The following TLK2 variants were observed in gnomAD, a reference collection of about 807,000 sequenced individuals.
TLK2 encodes serine/threonine-protein kinase tousled-like 2.
A neutral mutation model predicts 117.3 loss-of-function variants in TLK2; 6 were observed. The observed-to-expected ratio is 0.05, with a 90% CI of 0.03 to 0.10. The LOEUF is 0.10. TLK2 is among the 10% of genes least tolerant of loss of function. TLK2 has a pLI of 1.00. For missense variants in TLK2, 299 were observed against 901.2 expected (o/e 0.33, Z 8.56); for synonymous variants, 257 against 316.7 (o/e 0.81, Z 2.00).
intron 7 of TLK2, among the ~76,000 whole-genome samples, chr17:62,548,289 AT>A (rs897530767): frequency 1.4e-4 from 11 of 77,412 alleles, no homozygotes; most frequent in East Asian, 4.8e-4. Flanking sequence ...TTTTATTTTT[AT>A]TTTTTTTTTG....
rs545390944 is a variant in TLK2, at chr17:62,542,303, T to C, written c.531+5966T>C. Among the ~76,000 whole-genome samples the C allele has an allele frequency of 4.6e-4, 70 of 152,300 alleles. 1 individual carries two copies. The South Asian group carries it at 0.012, about 25-fold the overall frequency. ...TTATTTAATCTTATTTATTTATTGG[T>C]GGAGACAGGGTCCCACTGTGTTGCC... On this transcript the variant is annotated intron_variant, in intron 7 of 21. Coordinates refer to ENST00000346027, the MANE Select transcript of TLK2 (RefSeq NM_006852.6).
At chr17:62,494,757 A>C (rs1455828206) in intron 2 of TLK2, among the ~76,000 whole-genome samples, 1 of 152,214 alleles carries the variant, frequency 6.6e-6, no homozygotes, top group Admixed American at 6.5e-5. Flanking sequence ...AGGGACTCAG[A>C]TGCCTATGGC....
At chr17:62,564,481 A>G (rs929671087) in intron 10 of TLK2, among the ~76,000 whole-genome samples, 1 of 148,254 alleles carries the variant, frequency 6.7e-6, no homozygotes, top group Non-Finnish European at 1.5e-5. Flanking sequence ...GGTTGCAGTG[A>G]GCCGAGATCC....
intron 2 of TLK2, among the ~76,000 whole-genome samples, chr17:62,508,877 A>G (rs1368493494): frequency 6.6e-6 from 1 of 152,160 alleles, no homozygotes; most frequent in Non-Finnish European, 1.5e-5. Flanking sequence ...CTGAGGCACA[A>G]GAATCGCTTG....
chr17:62,531,315 C>T (rs1318855231), intron 6 of TLK2, among the ~76,000 whole-genome samples: 4 of 151,822 alleles, frequency 2.6e-5, no homozygotes, highest in African/African-American at 9.7e-5. Context: ...ATAATTTCTT[C>T]TTGCCTTTCA....
At chr17:62,599,016 G>A (rs2082683667) in intron 17 of TLK2, among the ~76,000 whole-genome samples, 1 of 151,782 alleles carries the variant, frequency 6.6e-6, no homozygotes, top group Non-Finnish European at 1.5e-5. Context: ...CATGATCTTG[G>A]CTCACTGCAA....
intron 6 of TLK2, among the ~76,000 whole-genome samples, chr17:62,535,437 G>T (rs1350825043): frequency 6.6e-6 from 1 of 152,100 alleles, no homozygotes; most frequent in Non-Finnish European, 1.5e-5. Context: ...AGTACAGCAA[G>T]AACAGAATTG....
chr17:62,596,592 T>C lies in TLK2; in HGVS notation c.1468T>C (p.Cys490Arg). ...TTTCCCTTTTGTTTACAGGCATGCA[T>C]GTAGGGAATACCGGATTCATAAAGA... is the stretch of plus-strand genomic sequence containing the variant. ...EKKENYHKHA[C>R]REYRIHKELD... The change falls in exon 17 of 22, where the codon TGT (cysteine) becomes CGT (arginine). Residue 490 changes from cysteine to arginine, a missense_variant. Physicochemically the swap from Cys to Arg is radical, Grantham distance 180. Around this residue, in one of 4 missense-constraint regions of TLK2, gnomAD observed 81 missense variants for 370.9 expected, o/e 0.22. Coordinates refer to ENST00000346027, the MANE Select transcript of TLK2 (RefSeq NM_006852.6). 1.2e-6 allele frequency: 2 copies of C among 1,613,998 alleles called. No individual in the cohort carries two copies. Among genetic ancestry groups the C allele is most frequent in the Non-Finnish European group, 1.7e-6 (2 of 1,179,868 alleles).
At chr17:62,570,510 G>T (rs1162015006) in intron 11 of TLK2, among the ~76,000 whole-genome samples, 2 of 152,154 alleles carry the variant, frequency 1.3e-5, no homozygotes, top group Admixed American at 6.5e-5. Flanking sequence ...GTTACAGTTT[G>T]ACATAATCCA....
At chr17:62,520,371 C>T (rs1051598946) in intron 2 of TLK2, among the ~76,000 whole-genome samples, 1 of 152,062 alleles carries the variant, frequency 6.6e-6, no homozygotes, top group Non-Finnish European at 1.5e-5. Context: ...TCGCATTCTT[C>T]CCAGGAATAA....
At chr17:62,513,932 C>A (rs997227391) in intron 2 of TLK2, among the ~76,000 whole-genome samples, 5 of 151,710 alleles carry the variant, frequency 3.3e-5, no homozygotes, top group Non-Finnish European at 5.9e-5. Context: ...TGTGATCCAC[C>A]CGCCTCAGTC....
At chr17:62,492,369 C>T (rs11871025) in intron 2 of TLK2, among the ~76,000 whole-genome samples, 76,069 of 151,886 alleles carry the variant, frequency 0.5, 21,224 homozygotes, top group East Asian at 0.81. Context: ...AAAGGTGAAA[C>T]ATTTTTCTAA....
intron 7 of TLK2, among the ~76,000 whole-genome samples, chr17:62,542,198 C>T (rs1272319518): frequency 1.3e-5 from 2 of 152,210 alleles, no homozygotes; most frequent in Non-Finnish European, 2.9e-5. Flanking sequence ...CCTTGGATTT[C>T]TCAGAGAGAT....
intron 2 of TLK2, chr17:62,516,454 C>T (rs1008088179): frequency 2.4e-5 from 39 of 1,592,388 alleles, no homozygotes; most frequent in African/African-American, 1.9e-4. Context: ...ACCTTTAGGC[C>T]GAGGCCTGCC....
Position 62,612,666 on chromosome 17 carries a change from A to G in TLK2, c.*101A>G. 2 of 1,264,586 alleles carry G rather than the reference A, an allele frequency of 1.6e-6. No homozygotes were observed. Among genetic ancestry groups the G allele is most frequent in the East Asian group, 5.1e-5 (2 of 39,226 alleles). 78.3% of individuals were successfully genotyped at this position (1,264,586 alleles called of 1,614,324 possible). On this transcript the variant is annotated 3_prime_UTR_variant, in exon 22 of 22. Coordinates refer to ENST00000346027, the MANE Select transcript of TLK2 (RefSeq NM_006852.6). ...AGCGAATCCGAATGGATCTGATGAA[A>G]CCTGTACCAGGTGCTTTTATTTTCT...
intron 2 of TLK2, among the ~76,000 whole-genome samples, chr17:62,504,262 C>T (rs2074472477): frequency 6.6e-6 from 1 of 152,092 alleles, no homozygotes. Flanking sequence ...ACCCTCATCC[C>T]CAACATATAG....
rs1282487763 is a variant in TLK2, at chr17:62,532,922, G to A, written c.364-3248G>A. 5.3e-5 allele frequency among the ~76,000 whole-genome samples: 8 copies of A among 152,058 alleles called. No individual in the cohort carries two copies. The East Asian group carries it at 1.5e-3, about 29-fold the overall frequency. ...CTAGAAGGTTATTAGCAGTTTGAGA[G>A]TACCAATTTTTTCACACCCTGCTAA... On this transcript the variant is annotated intron_variant, in intron 6 of 21. Coordinates refer to ENST00000346027, the MANE Select transcript of TLK2 (RefSeq NM_006852.6).
chr17:62,559,794 A>T (rs1271017384), intron 9 of TLK2, among the ~76,000 whole-genome samples: 2 of 152,216 alleles, frequency 1.3e-5, no homozygotes, highest in East Asian at 3.8e-4. Flanking sequence ...TGCCCAAATT[A>T]GTAATTCAAT....
intron 3 of TLK2, among the ~76,000 whole-genome samples, chr17:62,521,391 G>A (rs1398727906): frequency 6.6e-6 from 1 of 152,102 alleles, no homozygotes; most frequent in African/African-American, 2.4e-5. Flanking sequence ...AGATAAAATT[G>A]ATTGACTGAT....
Sources: gnomAD v4.1 joint callset for allele counts (sites outside exome capture counted in the v4.1 genomes callset) on GRCh38, gnomAD v4.1.1 for gene constraint, gnomAD v4.1.1 regional missense constraint, MANE v1.5 for transcripts, NCBI Gene and HGNC (gene_info 2026-07-23, HGNC 2026-07-21) for gene names.